PRKN: variants seen among roughly 807,000 people sequenced by gnomAD.
PRKN encodes E3 ubiquitin-protein ligase parkin.
A neutral mutation model predicts 59.5 loss-of-function variants in PRKN; 56 were observed. That is an observed-to-expected ratio of 0.94 (90% CI 0.76 to 1.18). The LOEUF (loss-of-function observed/expected upper bound fraction) is 1.18, where lower values mean the gene tolerates loss of function less well. Ranked by LOEUF, PRKN falls within the 50% of genes most tolerant of loss-of-function variation. The probability of loss-of-function intolerance (pLI) is 0.00; values close to 1 mark genes in which losing one functional copy is unlikely to be tolerated. For synonymous variants in PRKN, 250 were observed against 222.1 expected (o/e 1.13, Z -1.12); for missense variants, 657 against 596.4 (o/e 1.10, Z -1.06).
intron 1 of PRKN, among the ~76,000 whole-genome samples, chr6:162,684,494 T>A (rs545275960): frequency 2.0e-5 from 3 of 152,152 alleles, no homozygotes; most frequent in Non-Finnish European, 4.4e-5. Flanking sequence ...ACAGCATAAG[T>A]TGAATGACAA....
intron 9 of PRKN, among the ~76,000 whole-genome samples, chr6:161,469,917 A>G (rs1196037756): frequency 6.6e-6 from 1 of 152,248 alleles, no homozygotes; most frequent in Non-Finnish European, 1.5e-5. Context: ...TAGAAGCTAT[A>G]GCATAGCATT....
At chr6:161,611,189 C>A (rs1435507574) in intron 7 of PRKN, among the ~76,000 whole-genome samples, 1 of 152,114 alleles carries the variant, frequency 6.6e-6, no homozygotes, top group Non-Finnish European at 1.5e-5. Flanking sequence ...GAAAGATGAT[C>A]AATGGAACCA....
chr6:161,531,119 C>G (rs1212093677), intron 9 of PRKN, among the ~76,000 whole-genome samples: 5 of 152,046 alleles, frequency 3.3e-5, no homozygotes, highest in Non-Finnish European at 4.4e-5. Flanking sequence ...CGGTGGCTCA[C>G]GCCTGTAATC....
intron 1 of PRKN, among the ~76,000 whole-genome samples, chr6:162,476,727 A>G (rs923479715): frequency 6.6e-6 from 1 of 152,102 alleles, no homozygotes; most frequent in Admixed American, 6.6e-5. Context: ...CAAGAGTAAC[A>G]CTGATAATAA....
chr6:161,799,509 C>G (rs1790993447), intron 6 of PRKN, among the ~76,000 whole-genome samples: 1 of 152,150 alleles, frequency 6.6e-6, no homozygotes, highest in Admixed American at 6.5e-5. Context: ...GGAGAGCACC[C>G]AATACTTGCG....
At chr6:161,911,188 C>G (rs115565971) in intron 6 of PRKN, among the ~76,000 whole-genome samples, 1,925 of 152,264 alleles carry the variant, frequency 0.013, 39 homozygotes, top group African/African-American at 0.042. Flanking sequence ...GACATGCCCA[C>G]TGTCCCTCTC....
intron 4 of PRKN, among the ~76,000 whole-genome samples, chr6:162,095,916 T>G (rs2128297507): frequency 6.6e-6 from 1 of 152,248 alleles, no homozygotes; most frequent in South Asian, 2.1e-4. Flanking sequence ...AGGATAAAGT[T>G]AAAGAAGATC....
At chr6:161,384,528 G>A (rs1225759824) in intron 10 of PRKN, among the ~76,000 whole-genome samples, 1 of 152,210 alleles carries the variant, frequency 6.6e-6, no homozygotes, top group African/African-American at 2.4e-5. Context: ...GGGCAACACA[G>A]TGAGACCCTG....
At chr6:162,207,758 C>T (rs1249600618) in intron 3 of PRKN, among the ~76,000 whole-genome samples, 1 of 152,166 alleles carries the variant, frequency 6.6e-6, no homozygotes, top group Non-Finnish European at 1.5e-5. Context: ...GATACAACCT[C>T]TCTGTGTGTA....
At chr6:161,674,708 G>C (rs1276539771) in intron 7 of PRKN, among the ~76,000 whole-genome samples, 2 of 152,070 alleles carry the variant, frequency 1.3e-5, no homozygotes, top group African/African-American at 4.8e-5. Flanking sequence ...TTCCTTCTTA[G>C]AGGAATACAC....
intron 7 of PRKN, among the ~76,000 whole-genome samples, chr6:161,761,791 G>C (rs1262496818): frequency 6.6e-6 from 1 of 152,192 alleles, no homozygotes; most frequent in Non-Finnish European, 1.5e-5. Context: ...GAGGAGGTTG[G>C]CACTGGGAAA....
At chr6:161,797,762 G>A (rs1790911482) in intron 6 of PRKN, among the ~76,000 whole-genome samples, 1 of 152,144 alleles carries the variant, frequency 6.6e-6, no homozygotes, top group Admixed American at 6.5e-5. Context: ...ATTGACATAA[G>A]AATTTCTGGC....
At chr6:162,722,302 C>T (rs1040292449) in intron 1 of PRKN, among the ~76,000 whole-genome samples, 1 of 152,094 alleles carries the variant, frequency 6.6e-6, no homozygotes, top group Non-Finnish European at 1.5e-5. Flanking sequence ...GTTAAGAGTC[C>T]TAGGTAATTA....
intron 1 of PRKN, among the ~76,000 whole-genome samples, chr6:162,626,602 G>A (rs892214780): frequency 6.6e-6 from 1 of 152,106 alleles, no homozygotes; most frequent in Non-Finnish European, 1.5e-5. Context: ...ATCACTTGAG[G>A]TCAGGAGTTC....
At chr6:162,341,302 A>G (rs1784167591) in intron 2 of PRKN, among the ~76,000 whole-genome samples, 1 of 152,144 alleles carries the variant, frequency 6.6e-6, no homozygotes, top group Non-Finnish European at 1.5e-5. Context: ...CTTTTACACT[A>G]TTGGTGGGAG....
At position 162,381,771 on chromosome 6, in the gene PRKN, T is replaced by C. The variant is rs182996545; in HGVS notation, c.171+61539A>G. 1.4e-3 allele frequency among the ~76,000 whole-genome samples: 217 copies of C among 152,290 alleles called. 1 individual carries two copies. Among genetic ancestry groups the C allele is most frequent in the Non-Finnish European group, 2.7e-3 (181 of 68,022 alleles). On this transcript the variant is annotated intron_variant, in intron 2 of 11. Coordinates refer to ENST00000366898, the MANE Select transcript of PRKN (RefSeq NM_004562.3). ...TCCAAAGAAATAAAGTGCTAACAAA[T>C]AGCTGGGTGGATGAAGTGAGTGAGG...
intron 7 of PRKN, among the ~76,000 whole-genome samples, chr6:161,673,043 C>T (rs1284659008): frequency 6.6e-6 from 1 of 152,086 alleles, no homozygotes; most frequent in African/African-American, 2.4e-5. Flanking sequence ...ACTGATGAAC[C>T]ACACAGTGAA....
rs926852166 is a variant in PRKN at position 161,396,110 on chromosome 6, T to C, written c.1084-9233A>G. On this transcript the variant is annotated intron_variant, in intron 9 of 11. Coordinates refer to ENST00000366898, the MANE Select transcript of PRKN (RefSeq NM_004562.3). This position sits in a 1 kb window ranked among gnomAD's most constrained non-coding sequence, Gnocchi z 5.4. ...AGGGGAAGCTGGGGTGGGAGTGCTG[T>C]ATGCTCTCGGTCCCTAATCCCCCGC... Among the ~76,000 whole-genome samples the C allele has an allele frequency of 3.3e-5, 5 of 152,298 alleles. No individual in the cohort carries two copies. Among genetic ancestry groups the C allele is most frequent in the Admixed American group, 2.0e-4 (3 of 15,306 alleles).
chr6:162,410,838 A>C (rs964873675), intron 2 of PRKN, among the ~76,000 whole-genome samples: 1 of 152,152 alleles, frequency 6.6e-6, no homozygotes, highest in African/African-American at 2.4e-5. Flanking sequence ...CCTCTGCCCA[A>C]ATCAGCAGAA....
Sources: allele counts gnomAD v4.1 joint callset (sites outside exome capture counted in the v4.1 genomes callset), GRCh38; gene constraint gnomAD v4.1.1; non-coding constraint Gnocchi (gnomAD v3.1); transcripts MANE v1.5; gene names NCBI Gene and HGNC (gene_info 2026-07-23, HGNC 2026-07-21).